CD8A: variants seen among roughly 807,000 people sequenced by gnomAD.
CD8A encodes the protein T-cell surface glycoprotein CD8 alpha chain.
CD8A carries 25 observed loss-of-function variants against 24.2 expected under a neutral mutation model. That is an observed-to-expected ratio of 1.03 (90% CI 0.75 to 1.44). The LOEUF is 1.44. Among genes scored for constraint, CD8A ranks in the 40% most tolerant of loss-of-function variants. The pLI is 0.00. For synonymous variants in CD8A, 165 were observed against 149.9 expected (o/e 1.10, Z -0.74); for missense variants, 360 against 319.7 (o/e 1.13, Z -0.96).
chr2:86,790,338 G>T lies in CD8A; in HGVS notation c.393C>A (p.Val131=). 2 of 1,613,218 alleles carry T rather than the reference G, an allele frequency of 1.2e-6. No homozygotes were observed. Among genetic ancestry groups the T allele is most frequent in the Non-Finnish European group, 1.7e-6 (2 of 1,179,330 alleles). Residue 131 remains valine (V), a synonymous_variant, in exon 2 of 6, where the codon GTC becomes GTA. Transcript: ENST00000283635. ...ACCCGGCGCGCGGACCTGGCAGGAA[G>T]ACCGGCACGAAGTGGCTGAAGTACA... ...SIMYFSHFVP[V]FLPAKPTTTP... is the part of the protein sequence containing the mutation.
chr2:86,785,839 TGGAAAAAATGAAAG>T lies in CD8A; in HGVS notation c.*67_*80del, dbSNP rs776576663. The T allele has an allele frequency of 3.6e-5, 36 of 1,008,206 alleles. No individual in the cohort carries two copies. The highest frequency in any genetic ancestry group is 5.7e-5 in the Non-Finnish European group (36 of 626,130). 62.5% of individuals were successfully genotyped at this position (1,008,206 alleles called of 1,614,324 possible). On this transcript the variant is annotated 3_prime_UTR_variant, in exon 6 of 6. Transcript: ENST00000283635. The stretch of plus-strand genomic sequence containing the variant: ...AGAATGAATACACAGGGAGGAAGAC[TGGAAAAAATGAAAG>T]GGAAGGACTTGCTCCCTCAAAAGGA...
At chr2:86,799,218 C>T (rs1178390036) in intron 3 of CD8A, among the ~76,000 whole-genome samples, 4 of 152,154 alleles carry the variant, frequency 2.6e-5, no homozygotes, top group African/African-American at 4.8e-5. Context: ...GAACAAGTCC[C>T]TGTGTTTAGG....
chr2:86,787,290 T>A (rs1033566412), intron 5 of CD8A, among the ~76,000 whole-genome samples: 18 of 152,008 alleles, frequency 1.2e-4, no homozygotes, highest in African/African-American at 4.3e-4. Context: ...ACCTGTAACA[T>A]ATGCATTGGA....
Position 86,788,568 on chromosome 2 carries a change from A to C in CD8A, c.626-8T>G. ...AAACACGTCTTCGGTTCCCTGGATA[A>C]GGAAAAAGAAGGGAAAAAGTGAGTG... On this transcript the variant is annotated splice_region_variant and splice_polypyrimidine_tract_variant and intron_variant, in intron 4 of 5. Transcript: ENST00000283635. The C allele has an allele frequency of 6.2e-7, 1 of 1,612,442 alleles. No individual in the cohort carries two copies. The highest frequency in any genetic ancestry group is 8.5e-7 in the Non-Finnish European group (1 of 1,178,718).
chr2:86,800,189 G>A (rs932899297), intron 3 of CD8A, among the ~76,000 whole-genome samples: 1 of 152,084 alleles, frequency 6.6e-6, no homozygotes, highest in African/African-American at 2.4e-5. Context: ...GCCAGGTGCG[G>A]TGGCTCATGC....
intron 2 of CD8A, among the ~76,000 whole-genome samples, chr2:86,803,184 G>A (rs1673730254): frequency 6.6e-6 from 1 of 152,174 alleles, no homozygotes; most frequent in African/African-American, 2.4e-5. Context: ...TTTCACAGTA[G>A]CTAAAATGTG....
intron 2 of CD8A, among the ~76,000 whole-genome samples, 183 bp downstream of exon 2, chr2:86,790,145 G>T (rs1181206024): frequency 6.6e-6 from 1 of 152,210 alleles, no homozygotes; most frequent in African/African-American, 2.4e-5. Context: ...GACGTAAAAA[G>T]CCATCCCCAG....
chr2:86,788,552 T>G lies in CD8A; in HGVS notation c.634A>C (p.Arg212=), dbSNP rs1673119599. ...ITLYCNHRNR[R]RVCKCPRPVV... ...CACCGGGGACATTTGCAAACACGTCTTCGGTTCCCTGGATAAGGAAAAAGA... is the reference window on the plus strand; with the variant it reads ...CACCGGGGACATTTGCAAACACGTCGTCGGTTCCCTGGATAAGGAAAAAGA... Residue 212 remains arginine, a synonymous_variant, in exon 5 of 6, where the codon AGA becomes CGA. Transcript: ENST00000283635. 2 of 1,613,446 alleles carry G rather than the reference T, an allele frequency of 1.2e-6. No homozygotes were observed. Among genetic ancestry groups the G allele is most frequent in the Non-Finnish European group, 1.7e-6 (2 of 1,179,588 alleles).
At chr2:86,786,035 C>A in intron 5 of CD8A, 64 bp from the exon 6 acceptor site, 1 of 1,275,746 alleles carries the variant, frequency 7.8e-7, no homozygotes, top group African/African-American at 1.5e-5. Flanking sequence ...TCCATCCAGC[C>A]ACGTCCAGCC....
At chr2:86,802,396 G>C (rs1304656984) in intron 2 of CD8A, among the ~76,000 whole-genome samples, 1 of 152,008 alleles carries the variant, frequency 6.6e-6, no homozygotes, top group African/African-American at 2.4e-5. Flanking sequence ...ATGCTATAAA[G>C]GACAATTGTG....
At position 86,789,668 on chromosome 2, in the gene CD8A, C is replaced by G; in HGVS notation, c.486G>C (p.Glu162Asp). Reference protein sequence around the residue: ...IASQPLSLRPEACRPAAGGAV... With the variant: ...IASQPLSLRPDACRPAAGGAV... ...CGCCCCCCGCCGCTGGCCGGCACGC[C>G]TCTGGGCGCAGGGACAGGGGCTGCG... The change falls in exon 3 of 6, where the codon GAG becomes GAC. Residue 162 changes from glutamate to aspartate, a missense_variant. By Grantham distance (45) the Glu-to-Asp change is conservative (BLOSUM62 2). Coordinates refer to ENST00000283635, the MANE Select transcript of CD8A (RefSeq NM_001768.7). The G allele has an allele frequency of 6.8e-7, 1 of 1,469,324 alleles. No homozygotes were observed. The highest frequency in any genetic ancestry group is 9.0e-7 in the Non-Finnish European group (1 of 1,117,010). 91.0% of individuals were successfully genotyped at this position (1,469,324 alleles called of 1,614,324 possible). A position where few individuals can be genotyped will look rare whatever the true frequency, so the allele number is the denominator to read the frequency against.
Position 86,790,347 on chromosome 2 carries a change from G to C in CD8A, c.384C>G (p.Phe128Leu). ...LSNSIMYFSHFVPVFLPAKPT... is the reference protein window; with the variant it reads ...LSNSIMYFSHLVPVFLPAKPT... ...GCGGACCTGGCAGGAAGACCGGCAC[G>C]AAGTGGCTGAAGTACATGATGGAGT... The change falls in exon 2 of 6, where the codon TTC (phenylalanine) becomes TTG (leucine). Residue 128 changes from phenylalanine to leucine, a missense_variant. Phe to Leu is a conservative substitution (Grantham distance 22, BLOSUM62 0). Transcript: ENST00000283635. 1.2e-6 allele frequency: 2 copies of C among 1,613,730 alleles called. No homozygotes were observed. The highest frequency in any genetic ancestry group is 1.7e-6 in the Non-Finnish European group (2 of 1,179,730).
intron 4 of CD8A, 87 bp downstream of exon 4, chr2:86,789,236 C>T: frequency 1.1e-6 from 1 of 877,792 alleles, no homozygotes; most frequent in Non-Finnish European, 2.0e-6. Flanking sequence ...ACCCCAAGCT[C>T]CCCCCTCGCA....
chr2:86,798,013 C>T (rs891077511), intron 3 of CD8A, among the ~76,000 whole-genome samples: 1 of 152,094 alleles, frequency 6.6e-6, no homozygotes, highest in Non-Finnish European at 1.5e-5. Flanking sequence ...CATATTTTGT[C>T]TCCTATATTT....
intron 3 of CD8A, among the ~76,000 whole-genome samples, chr2:86,800,290 T>A (rs1211601182): frequency 6.6e-6 from 1 of 151,710 alleles, no homozygotes; most frequent in African/African-American, 2.4e-5. Flanking sequence ...AAACCCCGTC[T>A]CTACTAAAAA....
chr2:86,802,836 CTT>C (rs1673719012), intron 2 of CD8A, among the ~76,000 whole-genome samples: 1 of 152,138 alleles, frequency 6.6e-6, no homozygotes, highest in African/African-American at 2.4e-5. Flanking sequence ...GTCTTGAACT[CTT>C]GGCCTCAAGT....
chr2:86,798,165 C>T (rs553604808), intron 3 of CD8A, among the ~76,000 whole-genome samples: 4 of 151,824 alleles, frequency 2.6e-5, no homozygotes, highest in African/African-American at 9.7e-5. Flanking sequence ...TCATAAGGAA[C>T]AGAGCTTTCT....
At position 86,785,261 on chromosome 2, in the gene CD8A, T is replaced by C. The variant is rs1347787667; in HGVS notation, c.*659A>G. The stretch of plus-strand genomic sequence containing the variant: ...TTCATTTTATTTTAGGTCTATACAA[T>C]TTTAGGCTTGATTATAAAAAAAAAA... On this transcript the variant is annotated 3_prime_UTR_variant, in exon 6 of 6. Coordinates refer to ENST00000283635, the MANE Select transcript of CD8A (RefSeq NM_001768.7). 2.2e-6 allele frequency: 1 copy of C among 451,566 alleles called. No individual in the cohort carries two copies. 28.0% of individuals were successfully genotyped at this position (451,566 alleles called of 1,614,324 possible).
chr2:86,806,388 C>T (rs1247952838), intron 2 of CD8A, among the ~76,000 whole-genome samples: 1 of 152,228 alleles, frequency 6.6e-6, no homozygotes, highest in African/African-American at 2.4e-5. Context: ...GAAGGAAAGA[C>T]CACGGCAAGG....
Sources: gnomAD v4.1 joint callset for allele counts (sites outside exome capture counted in the v4.1 genomes callset) on GRCh38, gnomAD v4.1.1 for gene constraint, MANE v1.5 for transcripts, NCBI Gene and HGNC (gene_info 2026-07-23, HGNC 2026-07-21) for gene names.